The following ZNF716 variants were observed in gnomAD, a reference collection of about 807,000 sequenced individuals.
ZNF716 encodes zinc finger protein 716.
A neutral mutation model predicts 13.4 loss-of-function variants in ZNF716; 9 were observed. The ratio of observed to expected loss-of-function variants is 0.67; its 90% CI spans 0.41 to 1.18. The LOEUF (loss-of-function observed/expected upper bound fraction) is 1.18. Among genes scored for constraint, ZNF716 ranks in the 50% most tolerant of loss-of-function variants. The probability of loss-of-function intolerance (pLI) is 0.01; values close to 1 mark genes in which losing one functional copy is unlikely to be tolerated. For synonymous variants in ZNF716, 186 were observed against 195.2 expected (o/e 0.95, Z 0.39); for missense variants, 581 against 576.6 (o/e 1.01, Z -0.08).
In ZNF716 at chr7:57,468,963, A is replaced by T. The variant is rs782401135; in HGVS notation, c.502A>T (p.Lys168Ter). The T allele has an allele frequency of 8.1e-6, 13 of 1,608,838 alleles. No homozygotes were observed. The highest frequency in any genetic ancestry group is 1.1e-5 in the Non-Finnish European group (13 of 1,177,088). The change falls in exon 4 of 4, where the codon AAA (lysine) becomes TAA (stop). Residue 168 changes from lysine to a stop codon, truncating the protein, a stop_gained. Transcript: ENST00000420713. LOFTEE classifies it low-confidence loss of function (END_TRUNC). The part of the protein sequence containing the change: ...QTHKCVKVFG[K>*]FSNSNRHKTR... ...TCATAAATGCGTCAAAGTCTTTGGT[A>T]AATTTTCAAATTCCAATAGACACAA...
intron 3 of ZNF716, among the ~76,000 whole-genome samples, chr7:57,467,501 A>T (rs1355087844): frequency 6.6e-6 from 1 of 151,028 alleles, no homozygotes; most frequent in South Asian, 2.1e-4. Flanking sequence ...TATTCTCACC[A>T]TGAAGATTTT....
chr7:57,452,843 C>T (rs781859793), intron 1 of ZNF716, among the ~76,000 whole-genome samples: 1 of 151,988 alleles, frequency 6.6e-6, no homozygotes, highest in African/African-American at 2.4e-5. Flanking sequence ...GGGGATAAAC[C>T]AAGATACCTA....
At chr7:57,459,727 TG>T (rs1789672890) in intron 1 of ZNF716, among the ~76,000 whole-genome samples, 1 of 152,184 alleles carries the variant, frequency 6.6e-6, no homozygotes, top group South Asian at 2.1e-4. Flanking sequence ...TGTTTCAGTT[TG>T]GTAGGAAGAG....
At chr7:57,457,344 T>G (rs1348031303) in intron 1 of ZNF716, among the ~76,000 whole-genome samples, 1 of 151,314 alleles carries the variant, frequency 6.6e-6, no homozygotes, top group Non-Finnish European at 1.5e-5. Context: ...TTCCCACCCA[T>G]GAATTTTCTT....
intron 1 of ZNF716, among the ~76,000 whole-genome samples, chr7:57,454,746 C>T (rs10282046): frequency 0.036 from 5,469 of 152,110 alleles, 317 homozygotes; most frequent in East Asian, 0.24. Flanking sequence ...GAATCCCGGC[C>T]GGGAGTGGTG....
rs1789912091 is a variant in ZNF716, at chr7:57,470,581, CTTA to C, written c.*637_*639del. On this transcript the variant is annotated 3_prime_UTR_variant, in exon 4 of 4. Coordinates refer to ENST00000420713, the MANE Select transcript of ZNF716 (RefSeq NM_001159279.1). ...TAAAGCTTTTACCTAGTCTTGAACC[CTTA>C]TTATACACTAAAAGAATTGATACTG... The C allele has an allele frequency of 6.6e-6, 1 of 152,436 alleles. No homozygotes were observed. 9.4% of individuals were successfully genotyped at this position (152,436 alleles called of 1,614,324 possible). A position where few individuals can be genotyped will look rare whatever the true frequency, so the allele number is the denominator to read the frequency against.
intron 2 of ZNF716, 51 bp from the exon 3 acceptor site, chr7:57,463,022 A>G: frequency 6.3e-7 from 1 of 1,594,976 alleles, no homozygotes; most frequent in Admixed American, 1.8e-5. Flanking sequence ...TTGTTTGGTA[A>G]TTAAAGAATT....
At position 57,469,960 on chromosome 7, in the gene ZNF716, T is replaced by C; in HGVS notation, c.*11T>C. On this transcript the variant is annotated 3_prime_UTR_variant, in exon 4 of 4. Transcript: ENST00000420713. ...TACAAATATGAATAATGTGGTAAAG[T>C]CCAGCCCTCAGGCCTTATAATACAT... 6 of 1,533,658 alleles carry C rather than the reference T, an allele frequency of 3.9e-6. No homozygotes were observed. Among genetic ancestry groups the C allele is most frequent in the African/African-American group, 1.4e-5 (1 of 72,102 alleles).
chr7:57,468,519 G>A (rs782040528), intron 3 of ZNF716, among the ~76,000 whole-genome samples: 6 of 152,078 alleles, frequency 3.9e-5, no homozygotes, highest in Non-Finnish European at 7.4e-5. Flanking sequence ...GGTGCCCACA[G>A]TTACCTTACT....
At chr7:57,465,859 A>C (rs1789800279) in intron 3 of ZNF716, among the ~76,000 whole-genome samples, 1 of 152,232 alleles carries the variant, frequency 6.6e-6, no homozygotes, top group Non-Finnish European at 1.5e-5. Flanking sequence ...AGCCATAATA[A>C]ATGATGAGTT....
intron 1 of ZNF716, among the ~76,000 whole-genome samples, chr7:57,461,195 T>C (rs1165516011): frequency 6.6e-6 from 1 of 152,084 alleles, no homozygotes; most frequent in East Asian, 1.9e-4. Flanking sequence ...GAGAATCGCT[T>C]GAACCCAGGA....
chr7:57,468,745 AAGACCTTCAGTC>A lies in ZNF716; in HGVS notation c.288_299del (p.Asp96_Ser99del). ...TCAGTTACATGTTCTCATTTCACCC[AAGACCTTCAGTC>A]AGAGCAGGGCATAAAAGATTCACTC... On this transcript the variant is annotated inframe_deletion, in exon 4 of 4. Coordinates refer to ENST00000420713, the MANE Select transcript of ZNF716 (RefSeq NM_001159279.1). 6.2e-7 allele frequency: 1 copy of A among 1,610,468 alleles called. No homozygotes were observed. The highest frequency in any genetic ancestry group is 8.5e-7 in the Non-Finnish European group (1 of 1,178,962).
intron 1 of ZNF716, among the ~76,000 whole-genome samples, chr7:57,453,754 G>C (rs995418785): frequency 1.3e-5 from 2 of 152,126 alleles, no homozygotes; most frequent in Admixed American, 1.3e-4. Flanking sequence ...AGATAACTGG[G>C]GAATTACATA....
At chr7:57,462,428 GT>G (rs199614965) in intron 1 of ZNF716, 31 bp from the exon 2 acceptor site, 12 of 1,602,946 alleles carry the variant, frequency 7.5e-6, no homozygotes, top group South Asian at 3.3e-5. Flanking sequence ...GTTCATGAGT[GT>G]TTTTTTTGTT....
At chr7:57,462,922 A>G (rs1789734780) in intron 2 of ZNF716, 151 bp from the exon 3 acceptor site, 5 of 1,206,200 alleles carry the variant, frequency 4.1e-6, no homozygotes, top group Non-Finnish European at 5.6e-6. Context: ...ACAAATTTAA[A>G]GTATTTTCTA....
chr7:57,452,582 G>A (rs1554321724), intron 1 of ZNF716, among the ~76,000 whole-genome samples: 3 of 152,020 alleles, frequency 2.0e-5, no homozygotes, highest in Non-Finnish European at 4.4e-5. Flanking sequence ...AGGTTGCAGT[G>A]AGCCAAGATG....
chr7:57,450,756 G>T (rs777204120), intron 1 of ZNF716, among the ~76,000 whole-genome samples: 1 of 152,126 alleles, frequency 6.6e-6, no homozygotes, highest in Non-Finnish European at 1.5e-5. Flanking sequence ...AAATATCAGA[G>T]AATTGAATCA....
chr7:57,463,050 C>T, intron 2 of ZNF716, 23 bp from the exon 3 acceptor site: 1 of 1,605,226 alleles, frequency 6.2e-7, no homozygotes, highest in Non-Finnish European at 8.5e-7. Context: ...ATTTATGTTA[C>T]TTTTTTTTCC....
Position 57,473,250 on chromosome 7 carries a change from G to A in ZNF716, c.*3301G>A, listed in dbSNP as rs1458048923. ...AATATATTACTCTAAAGATATACCA[G>A]CCGAGCACAGTGGCTCCCAGCATTT... On this transcript the variant is annotated 3_prime_UTR_variant, in exon 4 of 4. Transcript: ENST00000420713. 6.6e-6 allele frequency: 1 copy of A among 152,086 alleles called. No individual in the cohort carries two copies. Among genetic ancestry groups the A allele is most frequent in the Non-Finnish European group, 1.5e-5 (1 of 68,022 alleles). 9.4% of individuals were successfully genotyped at this position (152,086 alleles called of 1,614,324 possible). A position where few individuals can be genotyped will look rare whatever the true frequency, so the allele number is the denominator to read the frequency against.
Sources: allele counts gnomAD v4.1 joint callset (sites outside exome capture counted in the v4.1 genomes callset), GRCh38; gene constraint gnomAD v4.1.1; transcripts MANE v1.5; gene names NCBI Gene and HGNC (gene_info 2026-07-23, HGNC 2026-07-21).